The following SEMA3E variants were observed in gnomAD, a reference collection of about 807,000 sequenced individuals.
SEMA3E encodes the protein semaphorin 3E, also known as semaphorin-3E.
A neutral mutation model predicts 93.6 loss-of-function variants in SEMA3E; 49 were observed. The observed-to-expected ratio is 0.52, with a 90% CI of 0.42 to 0.66. The LOEUF (loss-of-function observed/expected upper bound fraction) is 0.66. SEMA3E is among the 30% of genes least tolerant of loss of function. SEMA3E has a pLI of 0.00. For synonymous variants in SEMA3E, 363 were observed against 330.7 expected, an observed-to-expected ratio of 1.10 and a Z score of -1.06; for missense variants, 906 against 964.8, an observed-to-expected ratio of 0.94 and a Z score of 0.81.
chr7:83,446,281 C>G (rs1048722676), intron 4 of SEMA3E, among the ~76,000 whole-genome samples: 2 of 152,272 alleles, frequency 1.3e-5, no homozygotes, highest in South Asian at 4.1e-4. Context: ...AAAAGATTGA[C>G]CACATGTATA....
At chr7:83,639,573 A>G (rs550682122) in intron 1 of SEMA3E, among the ~76,000 whole-genome samples, 256 of 151,834 alleles carry the variant, frequency 1.7e-3, no homozygotes, top group African/African-American at 6.0e-3. Flanking sequence ...GCCCTGAAGG[A>G]CCTTTAAATA....
intron 1 of SEMA3E, among the ~76,000 whole-genome samples, chr7:83,523,820 T>G (rs1791099281): frequency 6.6e-6 from 1 of 152,258 alleles, no homozygotes; most frequent in East Asian, 1.9e-4. Flanking sequence ...TATTTTTCTT[T>G]TTTAAGATTA....
At chr7:83,449,797 A>G (rs1160226042) in intron 4 of SEMA3E, among the ~76,000 whole-genome samples, 1 of 152,148 alleles carries the variant, frequency 6.6e-6, no homozygotes, top group Non-Finnish European at 1.5e-5. Context: ...GTTTCCTCCC[A>G]ATTTTATTTT....
At chr7:83,519,029 G>A (rs1380914710) in intron 1 of SEMA3E, among the ~76,000 whole-genome samples, 1 of 151,710 alleles carries the variant, frequency 6.6e-6, no homozygotes, top group East Asian at 1.9e-4. Flanking sequence ...GTGCAGGTTA[G>A]TTACATATGT....
At position 83,571,781 on chromosome 7, in the gene SEMA3E, A is replaced by G. The variant is rs1792292208; in HGVS notation, c.115+76647T>C. Among the ~76,000 whole-genome samples, 5 of 152,338 alleles carry G rather than the reference A, an allele frequency of 3.3e-5. No individual in the cohort carries two copies. In the South Asian group the frequency reaches 1.0e-3, roughly 32 times the overall value. ...TCCAAAGAGGAAAAGAAGAATTCAA[A>G]TTATCTCTCTTTGCTGACAGTATGA... On this transcript the variant is annotated intron_variant, in intron 1 of 16. Coordinates refer to ENST00000643230, the MANE Select transcript of SEMA3E (RefSeq NM_012431.3).
chr7:83,570,354 C>T (rs1322594795), intron 1 of SEMA3E, among the ~76,000 whole-genome samples: 1 of 150,674 alleles, frequency 6.6e-6, no homozygotes, highest in African/African-American at 2.4e-5. Flanking sequence ...GAGATCGAGA[C>T]CATCCCGGCT....
At chr7:83,578,095 T>G (rs1461937024) in intron 1 of SEMA3E, among the ~76,000 whole-genome samples, 1 of 152,002 alleles carries the variant, frequency 6.6e-6, no homozygotes, top group African/African-American at 2.4e-5. Context: ...CTTCCTAGGA[T>G]TTGGTGAGAG....
chr7:83,498,239 G>T (rs933294744), intron 1 of SEMA3E, among the ~76,000 whole-genome samples: 10 of 152,066 alleles, frequency 6.6e-5, no homozygotes, highest in African/African-American at 1.7e-4. Context: ...GGATTCAAAG[G>T]TTATATATAC....
chr7:83,607,490 C>T (rs1443104473), intron 1 of SEMA3E, among the ~76,000 whole-genome samples: 1 of 152,088 alleles, frequency 6.6e-6, no homozygotes, highest in East Asian at 1.9e-4. Context: ...AGTGCTTCAT[C>T]CTCATTTTTA....
intron 1 of SEMA3E, among the ~76,000 whole-genome samples, chr7:83,538,663 T>C (rs374200405): frequency 6.6e-6 from 1 of 152,188 alleles, no homozygotes; most frequent in African/African-American, 2.4e-5. Flanking sequence ...CTGAAACATA[T>C]TTTATGATTT....
intron 1 of SEMA3E, among the ~76,000 whole-genome samples, chr7:83,509,946 C>G (rs1790783168): frequency 6.6e-6 from 1 of 152,114 alleles, no homozygotes; most frequent in African/African-American, 2.4e-5. Flanking sequence ...ATGTTCCAGC[C>G]ATTACTTAAT....
At chr7:83,493,199 T>G (rs1481350805) in intron 1 of SEMA3E, among the ~76,000 whole-genome samples, 1 of 152,008 alleles carries the variant, frequency 6.6e-6, no homozygotes, top group African/African-American at 2.4e-5. Flanking sequence ...TGAGCTTTTA[T>G]TTTTGTTTTT....
intron 1 of SEMA3E, among the ~76,000 whole-genome samples, chr7:83,552,110 C>G (rs1426146188): frequency 2.0e-5 from 3 of 152,138 alleles, no homozygotes; most frequent in East Asian, 3.9e-4. Flanking sequence ...CTTTCATAAA[C>G]TTGCACAGAT....
chr7:83,428,040 T>C (rs919789753), intron 4 of SEMA3E, among the ~76,000 whole-genome samples: 1 of 152,232 alleles, frequency 6.6e-6, no homozygotes, highest in Non-Finnish European at 1.5e-5. Context: ...TAACCACTAA[T>C]GTGGGCAGAT....
chr7:83,463,802 C>G (rs1322379310), intron 4 of SEMA3E, among the ~76,000 whole-genome samples: 1 of 152,118 alleles, frequency 6.6e-6, no homozygotes, highest in Non-Finnish European at 1.5e-5. Context: ...ATCTGCTATT[C>G]CACTACTCCT....
intron 2 of SEMA3E, among the ~76,000 whole-genome samples, chr7:83,486,048 T>A (rs1156767903): frequency 2.0e-5 from 3 of 151,980 alleles, no homozygotes; most frequent in African/African-American, 7.3e-5. Context: ...TGTGTGTGTG[T>A]GTGTCTTTTC....
intron 5 of SEMA3E, among the ~76,000 whole-genome samples, chr7:83,415,705 G>C (rs1249192678): frequency 6.6e-6 from 1 of 151,926 alleles, no homozygotes; most frequent in Non-Finnish European, 1.5e-5. Context: ...AAATTACATA[G>C]AAAATTCTCT....
intron 1 of SEMA3E, among the ~76,000 whole-genome samples, chr7:83,600,486 A>ATTTTTTT (rs71522671): frequency 3.6e-3 from 226 of 63,076 alleles, no homozygotes; most frequent in Non-Finnish European, 4.6e-3. Flanking sequence ...CGCCCAGCTA[A>ATTTTTTT]TTTTTTTTTT....
At position 83,410,013 on chromosome 7, in the gene SEMA3E, ATAAAT is replaced by A. The variant is rs555533706; in HGVS notation, c.551-1531_551-1527del. Among the ~76,000 whole-genome samples the A allele has an allele frequency of 3.2e-4, 48 of 151,896 alleles. No individual in the cohort carries two copies. In the South Asian group the frequency reaches 9.8e-3, roughly 31 times the overall value. ...TATACCAAATTTAGAATAATATGATATAAATTAAACTCAAAGATTAAAAAAATAAG... is the reference window on the plus strand; with the variant it reads ...TATACCAAATTTAGAATAATATGATATAAACTCAAAGATTAAAAAAATAAG... On this transcript the variant is annotated intron_variant, in intron 5 of 16. Transcript: ENST00000643230.
Sources: allele counts gnomAD v4.1 joint callset (sites outside exome capture counted in the v4.1 genomes callset), GRCh38; gene constraint gnomAD v4.1.1; transcripts MANE v1.5; gene names NCBI Gene and HGNC (gene_info 2026-07-23, HGNC 2026-07-21).